The following ATP5PO variants were observed in gnomAD, a reference collection of about 807,000 sequenced individuals.
The protein encoded by ATP5PO is ATP synthase peripheral stalk subunit OSCP, also known as ATP synthase peripheral stalk subunit OSCP, mitochondrial.
In ATP5PO, 14 loss-of-function variants were observed where a neutral mutation model predicts 26.2. The ratio of observed to expected loss-of-function variants is 0.53; its 90% CI spans 0.35 to 0.83. The LOEUF (loss-of-function observed/expected upper bound fraction) is 0.83, where lower values mean the gene tolerates loss of function less well. Among genes scored for constraint, ATP5PO ranks in the 40% least tolerant of loss-of-function variants. The pLI, the probability that ATP5PO is intolerant of heterozygous loss-of-function variation, is 0.01. For synonymous variants in ATP5PO, 106 were observed against 95.1 expected (o/e 1.12, Z -0.67); for missense variants, 241 against 258.5 (o/e 0.93, Z 0.46).
At chr21:33,914,284 A>G (rs1022741649) in intron 2 of ATP5PO, among the ~76,000 whole-genome samples, 166 bp downstream of exon 2, 2 of 152,224 alleles carry the variant, frequency 1.3e-5, no homozygotes, top group African/African-American at 4.8e-5. Context: ...CAAATACTCA[A>G]CACCATTCCT....
At chr21:33,912,260 CAT>C in intron 3 of ATP5PO, 27 bp downstream of exon 3, 1 of 1,567,684 alleles carries the variant, frequency 6.4e-7, no homozygotes, top group Non-Finnish European at 8.7e-7. Context: ...ACAGGAACTT[CAT>C]ATGTAATGAA....
chr21:33,903,644 A>G lies in ATP5PO; in HGVS notation c.529-5T>C. The G allele has an allele frequency of 6.2e-7, 1 of 1,613,458 alleles. No homozygotes were observed. Among genetic ancestry groups the G allele is most frequent in the Non-Finnish European group, 8.5e-7 (1 of 1,179,466 alleles). On this transcript the variant is annotated splice_region_variant and splice_polypyrimidine_tract_variant and intron_variant, in intron 6 of 6. Transcript: ENST00000290299. ...ACCCAAGATTGACGGATCAGTCTAC[A>G]AAAGAAGTAAGACTGGAAATGTGAA... is the stretch of plus-strand genomic sequence containing the variant.
intron 3 of ATP5PO, among the ~76,000 whole-genome samples, chr21:33,909,554 C>T (rs781072754): frequency 5.3e-5 from 8 of 152,332 alleles, no homozygotes; most frequent in Middle Eastern, 3.4e-3. Flanking sequence ...GCATGAGCCA[C>T]TGTGCCCGGC....
At chr21:33,904,464 G>A (rs1310833800) in intron 5 of ATP5PO, among the ~76,000 whole-genome samples, 9 of 152,146 alleles carry the variant, frequency 5.9e-5, no homozygotes, top group African/African-American at 2.2e-4. Context: ...ATTTTAACCT[G>A]GTTTTACATC....
At chr21:33,909,243 T>C (rs750340133) in intron 3 of ATP5PO, 32 bp from the exon 4 acceptor site, 1 of 1,601,434 alleles carries the variant, frequency 6.2e-7, no homozygotes, top group East Asian at 2.2e-5. Flanking sequence ...TTCTTAAATT[T>C]TTTAGAGCAC....
chr21:33,912,384 A>G lies in ATP5PO; in HGVS notation c.103T>C (p.Tyr35His). 1 of 1,611,324 alleles carries G rather than the reference A, an allele frequency of 6.2e-7. No homozygotes were observed. The highest frequency in any genetic ancestry group is 8.5e-7 in the Non-Finnish European group (1 of 1,178,240). Residue 35 changes from tyrosine (Y) to histidine (H), a missense_variant, in exon 3 of 7, where the codon TAC becomes CAC. Transcript: ENST00000290299. ...GTGGCATAGCGACCTTCAATACCGT[A>G]TACCTGAACAGGAGGCTTTAAAAAA... ...AKLVRPPVQV[Y>H]GIEGRYATAL...
At chr21:33,909,397 A>G (rs972784048) in intron 3 of ATP5PO, among the ~76,000 whole-genome samples, 186 bp from the exon 4 acceptor site, 3 of 151,904 alleles carry the variant, frequency 2.0e-5, no homozygotes, top group African/African-American at 7.3e-5. Flanking sequence ...ATCCTGCCTC[A>G]GCCTCCCGAA....
intron 6 of ATP5PO, 94 bp downstream of exon 6, chr21:33,903,841 T>A (rs113652991): frequency 8.4e-7 from 1 of 1,194,374 alleles, no homozygotes; most frequent in Non-Finnish European, 1.2e-6. Context: ...AAAATTAGTA[T>A]AGAGTTAGAT....
intron 3 of ATP5PO, among the ~76,000 whole-genome samples, chr21:33,910,091 G>C (rs1448709657): frequency 6.6e-6 from 1 of 152,240 alleles, no homozygotes; most frequent in Admixed American, 6.5e-5. Context: ...TTGTATCACA[G>C]TGTCTGAATT....
At chr21:33,915,553 C>A (rs1272546854) in intron 1 of ATP5PO, 175 bp downstream of exon 1, 2 of 959,674 alleles carry the variant, frequency 2.1e-6, no homozygotes, top group East Asian at 2.9e-5. Context: ...GCCCCGTAGG[C>A]ATCCCGGGGG....
intron 4 of ATP5PO, 74 bp downstream of exon 4, chr21:33,909,008 C>A (rs1354906133): frequency 2.1e-6 from 3 of 1,438,598 alleles, no homozygotes; most frequent in African/African-American, 2.8e-5. Context: ...GATGCTGATG[C>A]CGCCCACAGT....
chr21:33,913,918 T>C (rs1353825967), intron 2 of ATP5PO, among the ~76,000 whole-genome samples: 1 of 152,150 alleles, frequency 6.6e-6, no homozygotes, highest in East Asian at 1.9e-4. Context: ...TGGCTGGGAT[T>C]ATAGGCATGC....
rs567004432 is a variant in ATP5PO at position 33,914,207 on chromosome 21, G to A, written c.87+243C>T. Among the ~76,000 whole-genome samples, 9 of 151,706 alleles carry A rather than the reference G, an allele frequency of 5.9e-5. 1 individual carries two copies. The South Asian group carries it at 1.3e-3, about 21-fold the overall frequency. On this transcript the variant is annotated intron_variant, in intron 2 of 6. Transcript: ENST00000290299. ...AATGCTAGCTTGCCTATTTTAGAGG[G>A]TTAATGGAAAAACAAATGATTAAAA...
chr21:33,903,608 A>G lies in ATP5PO; in HGVS notation c.560T>C (p.Val187Ala). Reference protein sequence around the residue: ...TDPSILGGMIVRIGEKYVDMS... With the variant: ...TDPSILGGMIARIGEKYVDMS... The stretch of plus-strand genomic sequence containing the variant: ...GTCAACATATTTCTCGCCAATGCGC[A>G]CAATCATTCCACCCAAGATTGACGG... Residue 187 changes from valine (V) to alanine (A), a missense_variant, in exon 7 of 7, where the codon GTG becomes GCG. Val to Ala is a moderately conservative substitution (Grantham distance 64). Transcript: ENST00000290299. 6.2e-7 allele frequency: 1 copy of G among 1,614,226 alleles called. No individual in the cohort carries two copies. Among genetic ancestry groups the G allele is most frequent in the Non-Finnish European group, 8.5e-7 (1 of 1,180,036 alleles).
chr21:33,906,163 T>C (rs1987169773), intron 5 of ATP5PO, among the ~76,000 whole-genome samples: 1 of 152,132 alleles, frequency 6.6e-6, no homozygotes, highest in Admixed American at 6.5e-5. Context: ...TATGATGTGC[T>C]AGGATGCCTC....
At chr21:33,914,777 CT>C in intron 1 of ATP5PO, 1 of 383,574 alleles carries the variant, frequency 2.6e-6, no homozygotes, top group Non-Finnish European at 4.7e-6. Context: ...CAGAAAAACA[CT>C]AACTTCCAAG....
chr21:33,911,249 T>A (rs139874474), intron 3 of ATP5PO, among the ~76,000 whole-genome samples: 1 of 152,198 alleles, frequency 6.6e-6, no homozygotes, highest in Non-Finnish European at 1.5e-5. Flanking sequence ...CTTCTGGTAA[T>A]ACGGTTTATT....
rs771384495 is a variant in ATP5PO at position 33,915,804 on chromosome 21, G to C, written c.-41C>G. The C allele has an allele frequency of 3.2e-6, 5 of 1,551,172 alleles. No individual in the cohort carries two copies. In the South Asian group the frequency reaches 3.6e-5, roughly 11 times the overall value. ...TGTAGGTCAAACCCGAGTGGGAAGA[G>C]AGAAACGCGCAAGGGCGCACGCGCG... is the stretch of plus-strand genomic sequence containing the variant. On this transcript the variant is annotated 5_prime_UTR_variant, in exon 1 of 7. Coordinates refer to ENST00000290299, the MANE Select transcript of ATP5PO (RefSeq NM_001697.3).
intron 4 of ATP5PO, among the ~76,000 whole-genome samples, chr21:33,908,222 C>T (rs1007977147): frequency 1.4e-5 from 2 of 145,614 alleles, no homozygotes; most frequent in Non-Finnish European, 1.5e-5. Context: ...TTATTTAAAA[C>T]GCATATCCAA....
Sources: allele counts gnomAD v4.1 joint callset (sites outside exome capture counted in the v4.1 genomes callset), GRCh38; gene constraint gnomAD v4.1.1; transcripts MANE v1.5; gene names NCBI Gene and HGNC (gene_info 2026-07-23, HGNC 2026-07-21).